Variants in PCDHGB7 observed in about 807,000 individuals in gnomAD.
The protein encoded by PCDHGB7 is protocadherin gamma subfamily B, 7.
A neutral mutation model predicts 61.4 loss-of-function variants in PCDHGB7; 37 were observed. The ratio of observed to expected loss-of-function variants is 0.60; its 90% CI spans 0.46 to 0.79. The LOEUF (loss-of-function observed/expected upper bound fraction) is 0.79, where lower values mean the gene tolerates loss of function less well. Ranked by LOEUF, PCDHGB7 falls within the 30% of genes least tolerant of loss-of-function variation. The pLI is 0.00. For synonymous variants in PCDHGB7, 464 were observed against 503.5 expected (o/e 0.92, Z 1.05); for missense variants, 1,166 against 1,202.5 (o/e 0.97, Z 0.45).
intron 1 of PCDHGB7, chr5:141,423,881 G>A (rs2096788712): frequency 7.8e-7 from 1 of 1,281,784 alleles, no homozygotes; most frequent in Non-Finnish European, 9.9e-7. Flanking sequence ...TTCAATCTTG[G>A]CATATTTTCT....
chr5:141,445,388 A>G (rs2098465525), intron 1 of PCDHGB7, among the ~76,000 whole-genome samples: 2 of 152,212 alleles, frequency 1.3e-5, no homozygotes, highest in African/African-American at 4.8e-5. Flanking sequence ...TCATTCATTT[A>G]CATAACAAAT....
chr5:141,475,981 G>A, intron 1 of PCDHGB7: 1 of 1,042,940 alleles, frequency 9.6e-7, no homozygotes, highest in Non-Finnish European at 1.4e-6. Context: ...CTGAACAGCC[G>A]GCGAGCAAAT....
In PCDHGB7 at chr5:141,418,785, T is replaced by C; in HGVS notation, c.926T>C (p.Phe309Ser). Residue 309 changes from phenylalanine (F) to serine (S), a missense_variant, in exon 1 of 4, where the codon TTT becomes TCT. Coordinates refer to ENST00000398594, the MANE Select transcript of PCDHGB7 (RefSeq NM_018927.4). ...GNILTQQPLDFEEVERYTINI... is the reference protein window; with the variant it reads ...GNILTQQPLDSEEVERYTINI... Reference sequence around the variant, plus strand: ...ATTCTAACTCAGCAGCCTTTGGATTTTGAAGAAGTAGAAAGATATACGATA... The same window carrying C: ...ATTCTAACTCAGCAGCCTTTGGATTCTGAAGAAGTAGAAAGATATACGATA... 6.2e-7 allele frequency: 1 copy of C among 1,613,862 alleles called. No homozygotes were observed. Among genetic ancestry groups the C allele is most frequent in the African/African-American group, 1.3e-5 (1 of 75,044 alleles).
In PCDHGB7 at chr5:141,419,023, A is replaced by T. The variant is rs768427376; in HGVS notation, c.1164A>T (p.Arg388Ser). The T allele has an allele frequency of 1.2e-6, 2 of 1,613,958 alleles. No homozygotes were observed. Among genetic ancestry groups the T allele is most frequent in the Non-Finnish European group, 1.7e-6 (2 of 1,179,856 alleles). Residue 388 changes from arginine (R) to serine (S), a missense_variant, in exon 1 of 4, where the codon AGA becomes AGT. By Grantham distance (110) the Arg-to-Ser change is moderately radical. Coordinates refer to ENST00000398594, the MANE Select transcript of PCDHGB7 (RefSeq NM_018927.4). ...GGGAAGTCAGGTGTAGCTTAAGTAG[A>T]GGTGTTCCATTTAAGATTCATTCTT... ...ENGEVRCSLS[R>S]GVPFKIHSSS...
chr5:141,423,762 G>GT, intron 1 of PCDHGB7: 1 of 264,254 alleles, frequency 3.8e-6, no homozygotes, highest in Non-Finnish European at 5.6e-6. Context: ...GGGGGGGGGT[G>GT]GGGCGGCATA....
intron 2 of PCDHGB7, among the ~76,000 whole-genome samples, chr5:141,497,175 A>T (rs2154592067): frequency 6.7e-6 from 1 of 150,262 alleles, no homozygotes; most frequent in East Asian, 1.9e-4. Context: ...AAATCACAGT[A>T]AGTTCTGAGA....
At position 141,418,452 on chromosome 5, in the gene PCDHGB7, A is replaced by C. The variant is rs2096259372; in HGVS notation, c.593A>C (p.Lys198Thr). 5 of 1,614,024 alleles carry C rather than the reference A, an allele frequency of 3.1e-6. No individual in the cohort carries two copies. The highest frequency in any genetic ancestry group is 4.2e-6 in the Non-Finnish European group (5 of 1,179,896). Residue 198 changes from lysine to threonine, a missense_variant, in exon 1 of 4, where the codon AAG becomes ACG. Coordinates refer to ENST00000398594, the MANE Select transcript of PCDHGB7 (RefSeq NM_018927.4). ...AAATATCCAGAATTAGTATTGCAGAAGACTCTGGACCGAGAAACGCAGAGC... is the reference window on the plus strand; with the variant it reads ...AAATATCCAGAATTAGTATTGCAGACGACTCTGGACCGAGAAACGCAGAGC... ...GGKYPELVLQ[K>T]TLDRETQSAH...
At chr5:141,468,837 G>T in intron 1 of PCDHGB7, among the ~76,000 whole-genome samples, 1 of 152,108 alleles carries the variant, frequency 6.6e-6, no homozygotes, top group South Asian at 2.1e-4. Flanking sequence ...CTGCACTCCA[G>T]CCTGGGCAAC....
At position 141,491,117 on chromosome 5, in the gene PCDHGB7, G is replaced by A; in HGVS notation, c.2416-3690G>A. ...CTGTTCCTCGTGTCTACACACACTGGTGAGGTGCGCACAGCCCGGGCCTTA... is the reference window on the plus strand; with the variant it reads ...CTGTTCCTCGTGTCTACACACACTGATGAGGTGCGCACAGCCCGGGCCTTA... On this transcript the variant is annotated intron_variant, in intron 1 of 3. Coordinates refer to ENST00000398594, the MANE Select transcript of PCDHGB7 (RefSeq NM_018927.4). The surrounding 1 kb of genome is among the most constrained non-coding windows in gnomAD (Gnocchi z 6.9). 1 of 1,614,196 alleles carries A rather than the reference G, an allele frequency of 6.2e-7. No homozygotes were observed.
chr5:141,478,259 T>A lies in PCDHGB7; in HGVS notation c.2416-16548T>A, dbSNP rs534973741. ...GGTCACAGTGTTCGGAGTAATCATA[T>A]TCAAAGTTTACAAGTGGAAGCAGTC... On this transcript the variant is annotated intron_variant, in intron 1 of 3. Transcript: ENST00000398594. 3.2e-5 allele frequency: 52 copies of A among 1,614,064 alleles called. No individual in the cohort carries two copies. The highest frequency in any genetic ancestry group is 4.4e-5 in the Non-Finnish European group (52 of 1,180,048).
chr5:141,459,573 T>TTC (rs2098970689), intron 1 of PCDHGB7, among the ~76,000 whole-genome samples: 1 of 152,208 alleles, frequency 6.6e-6, no homozygotes, highest in Non-Finnish European at 1.5e-5. Context: ...CAAAACAGAA[T>TTC]TGTTTTGGGG....
Position 141,486,278 on chromosome 5 carries a change from G to C in PCDHGB7, c.2416-8529G>C, listed in dbSNP as rs774763063. On this transcript the variant is annotated intron_variant, in intron 1 of 3. Coordinates refer to ENST00000398594, the MANE Select transcript of PCDHGB7 (RefSeq NM_018927.4). The surrounding 1 kb of genome is among the most constrained non-coding windows in gnomAD (Gnocchi z 5.0). ...CGAGAGTGCAGAACCTGGCACTGTG[G>C]TGGCACTTATCAGTGTGCAGGATCC... is the stretch of plus-strand genomic sequence containing the variant. 4 of 1,613,970 alleles carry C rather than the reference G, an allele frequency of 2.5e-6. No individual in the cohort carries two copies. In the South Asian group the frequency reaches 4.4e-5, roughly 18 times the overall value.
intron 1 of PCDHGB7, chr5:141,478,393 G>A (rs2099452978): frequency 6.2e-7 from 1 of 1,613,488 alleles, no homozygotes; most frequent in South Asian, 1.1e-5. Flanking sequence ...TTTACCATCA[G>A]GTGTATCTCA....
intron 1 of PCDHGB7, among the ~76,000 whole-genome samples, chr5:141,436,749 C>T (rs2097844674): frequency 6.6e-6 from 1 of 152,154 alleles, no homozygotes; most frequent in Admixed American, 6.5e-5. Flanking sequence ...TGTGCTTCTC[C>T]ATATGGTATA....
chr5:141,453,101 T>TTTCTG (rs1554138035), intron 1 of PCDHGB7, among the ~76,000 whole-genome samples: 1 of 152,012 alleles, frequency 6.6e-6, no homozygotes, highest in Non-Finnish European at 1.5e-5. Context: ...TTCTGTTGCT[T>TTTCTG]TTTTGTTTTG....
intron 2 of PCDHGB7, among the ~76,000 whole-genome samples, chr5:141,501,018 G>A (rs1337771734): frequency 2.0e-5 from 3 of 151,882 alleles, no homozygotes; most frequent in East Asian, 1.9e-4. Context: ...ACAGGCACGC[G>A]CCACCACGCC....
chr5:141,485,663 A>G lies in PCDHGB7; in HGVS notation c.2416-9144A>G, dbSNP rs1594506698. ...AAAGGCTCAGGATGCAGATGTGGGG[A>G]GCAATTCGATTAGCAGCTATAGGCT... On this transcript the variant is annotated intron_variant, in intron 1 of 3. Transcript: ENST00000398594. The surrounding 1 kb of genome is among the most constrained non-coding windows in gnomAD (Gnocchi z 5.7). The G allele has an allele frequency of 1.2e-6, 2 of 1,612,638 alleles. No homozygotes were observed. Among genetic ancestry groups the G allele is most frequent in the East Asian group, 4.5e-5 (2 of 44,840 alleles).
rs1425448852 is a variant in PCDHGB7, at chr5:141,493,717, C to T, written c.2416-1090C>T. Among the ~76,000 whole-genome samples the T allele has an allele frequency of 1.3e-5, 2 of 152,208 alleles. No individual in the cohort carries two copies. The highest frequency in any genetic ancestry group is 3.8e-4 in the East Asian group (2 of 5,202). On this transcript the variant is annotated intron_variant, in intron 1 of 3. Coordinates refer to ENST00000398594, the MANE Select transcript of PCDHGB7 (RefSeq NM_018927.4). This position sits in a 1 kb window ranked among gnomAD's most constrained non-coding sequence, Gnocchi z 4.3. ...CCGATACACCTGGAATGCTAGGTTT[C>T]TGGGTTCTGCTCATATCACTGCCAC...
chr5:141,428,324 T>C, intron 1 of PCDHGB7: 1 of 642,806 alleles, frequency 1.6e-6, no homozygotes, highest in Non-Finnish European at 2.8e-6. Flanking sequence ...TTGGCCTTGA[T>C]TTCTATGCTC....
Sources: gnomAD v4.1 joint callset for allele counts (sites outside exome capture counted in the v4.1 genomes callset) on GRCh38, gnomAD v4.1.1 for gene constraint, Gnocchi (gnomAD v3.1) non-coding constraint, MANE v1.5 for transcripts, NCBI Gene and HGNC (gene_info 2026-07-23, HGNC 2026-07-21) for gene names.